DHDH: variants seen among roughly 807,000 people sequenced by gnomAD.
The protein encoded by DHDH is dihydrodiol dehydrogenase, also known as trans-1,2-dihydrobenzene-1,2-diol dehydrogenase.
A neutral mutation model predicts 33.2 loss-of-function variants in DHDH; 29 were observed. That is an observed-to-expected ratio of 0.87 (90% CI 0.65 to 1.19). DHDH has a LOEUF of 1.19. Ranked by LOEUF, DHDH falls within the 50% of genes most tolerant of loss-of-function variation. DHDH has a pLI of 0.00. For missense variants in DHDH, 431 were observed against 455.0 expected (o/e 0.95, Z 0.48); for synonymous variants, 201 against 187.9 (o/e 1.07, Z -0.57).
chr19:48,938,703 G>A (rs961252819), intron 3 of DHDH, among the ~76,000 whole-genome samples: 1 of 149,542 alleles, frequency 6.7e-6, no homozygotes, highest in African/African-American at 2.5e-5. Context: ...GGAGTGCAAC[G>A]GTGCGATCTT....
intron 4 of DHDH, among the ~76,000 whole-genome samples, chr19:48,941,504 C>G (rs563932835): frequency 6.6e-6 from 1 of 152,060 alleles, no homozygotes; most frequent in East Asian, 1.9e-4. Flanking sequence ...CCGTAAGACC[C>G]CCAAGTAGCT....
upstream of DHDH, chr19:48,933,606 C>G: frequency 1.1e-6 from 1 of 911,240 alleles, no homozygotes; most frequent in Admixed American, 2.0e-5. Flanking sequence ...CAACGAGAAT[C>G]GGCGTAGGCG....
Position 48,944,737 on chromosome 19 carries a change from T to C in DHDH, c.896-87T>C, listed in dbSNP as rs745965246. 207 of 1,318,734 alleles carry C rather than the reference T, an allele frequency of 1.6e-4. 1 individual carries two copies. The highest frequency in any genetic ancestry group is 3.9e-4 in the Admixed American group (22 of 56,744). 81.7% of individuals were successfully genotyped at this position (1,318,734 alleles called of 1,614,324 possible). ...CATCCATCTGCCTGAACCATGTATA[T>C]TGTGCCACATGGAATTCTGGGAATT... On this transcript the variant is annotated intron_variant, in intron 6 of 6. Coordinates refer to ENST00000221403, the MANE Select transcript of DHDH (RefSeq NM_014475.4).
chr19:48,937,169 CAG>C (rs2122253719), intron 3 of DHDH, among the ~76,000 whole-genome samples: 1 of 144,914 alleles, frequency 6.9e-6, no homozygotes, highest in Non-Finnish European at 1.5e-5. Flanking sequence ...CGGGGATCAT[CAG>C]GTCGTGGATA....
chr19:48,933,897 A>C (rs1022816884), intron 1 of DHDH, 86 bp downstream of exon 1: 1 of 1,259,192 alleles, frequency 7.9e-7, no homozygotes, highest in African/African-American at 1.5e-5. Flanking sequence ...AGGGTTCAGG[A>C]CTAGTGAGTG....
Position 48,936,088 on chromosome 19 carries a change from T to C in DHDH, c.259T>C (p.Leu87=). 8.1e-6 allele frequency: 13 copies of C among 1,611,262 alleles called. No individual in the cohort carries two copies. The highest frequency in any genetic ancestry group is 1.1e-5 in the Non-Finnish European group (13 of 1,179,328). The part of the protein sequence containing the change: ...PQHKAAVMLC[L]AAGKAVLCEK... ...GCACAAGGCGGCGGTGATGCTGTGC[T>C]TGGCGGCGGGCAAGGCCGTTCTGTG... is the stretch of plus-strand genomic sequence containing the variant. Residue 87 remains leucine (L), a synonymous_variant, in exon 3 of 7, where the codon TTG becomes CTG. Coordinates refer to ENST00000221403, the MANE Select transcript of DHDH (RefSeq NM_014475.4).
At chr19:48,937,218 C>G (rs1046673735) in intron 3 of DHDH, among the ~76,000 whole-genome samples, 4 of 152,188 alleles carry the variant, frequency 2.6e-5, no homozygotes, top group Non-Finnish European at 4.4e-5. Context: ...CCACAACACC[C>G]AGGCTCAGAG....
At position 48,942,475 on chromosome 19, in the gene DHDH, C is replaced by T. The variant is rs2037878228; in HGVS notation, c.655C>T (p.Pro219Ser). 6.2e-7 allele frequency: 1 copy of T among 1,613,596 alleles called. No individual in the cohort carries two copies. ...CACTGTCACGGTGCTCCTGCAGTAC[C>T]CAGGGGAGGTCCATGGCAGCTTCAC... The part of the protein sequence containing the change: ...DDTVTVLLQY[P>S]GEVHGSFTCS... Residue 219 changes from proline (P) to serine (S), a missense_variant, in exon 5 of 7, where the codon CCA (proline) becomes TCA (serine). Pro to Ser is a moderately conservative substitution (Grantham distance 74). Coordinates refer to ENST00000221403, the MANE Select transcript of DHDH (RefSeq NM_014475.4).
At chr19:48,934,321 C>T (rs555098418) in intron 1 of DHDH, among the ~76,000 whole-genome samples, 1 of 152,188 alleles carries the variant, frequency 6.6e-6, no homozygotes, top group African/African-American at 2.4e-5. Flanking sequence ...GGTTTCCCCC[C>T]ACTGAGAAAG....
At chr19:48,933,927 C>T (rs969014550) in intron 1 of DHDH, 116 bp downstream of exon 1, 6 of 889,132 alleles carry the variant, frequency 6.7e-6, no homozygotes, top group African/African-American at 6.7e-5. Flanking sequence ...TGCAGTGAAA[C>T]GTCTGTTTCC....
At chr19:48,944,263 G>A in intron 5 of DHDH, 94 bp from the exon 6 acceptor site, 1 of 1,558,266 alleles carries the variant, frequency 6.4e-7, no homozygotes, top group Non-Finnish European at 8.8e-7. Flanking sequence ...AGGTTCAAGA[G>A]GGAGGCCCCT....
upstream of DHDH, among the ~76,000 whole-genome samples, chr19:48,932,831 T>C (rs936670204): frequency 6.6e-6 from 1 of 152,076 alleles, no homozygotes; most frequent in Non-Finnish European, 1.5e-5. Flanking sequence ...AATAATACAG[T>C]ATATTTTACA....
At chr19:48,932,861 A>T (rs907446903), upstream of DHDH, among the ~76,000 whole-genome samples, 2 of 152,142 alleles carry the variant, frequency 1.3e-5, no homozygotes, top group Non-Finnish European at 2.9e-5. Context: ...ATAGAGCTCA[A>T]TGAATCCTCC....
At chr19:48,935,915 A>C in intron 2 of DHDH, 117 bp from the exon 3 acceptor site, 1 of 1,275,728 alleles carries the variant, frequency 7.8e-7, no homozygotes. Flanking sequence ...TAAGGGAGAC[A>C]GGGGTGTGAC....
At chr19:48,944,282 C>A in intron 5 of DHDH, 75 bp from the exon 6 acceptor site, 1 of 1,601,288 alleles carries the variant, frequency 6.2e-7, no homozygotes, top group Non-Finnish European at 8.5e-7. Context: ...CTGTGCACCA[C>A]CTGGCATGTT....
intron 5 of DHDH, among the ~76,000 whole-genome samples, chr19:48,943,093 CCT>C (rs1392316984): frequency 6.6e-6 from 1 of 151,338 alleles, no homozygotes; most frequent in Non-Finnish European, 1.5e-5. Flanking sequence ...TATCCTTGGG[CCT>C]GGCCGGCACG....
At chr19:48,942,688 T>G in intron 5 of DHDH, 124 bp downstream of exon 5, 1 of 1,425,904 alleles carries the variant, frequency 7.0e-7, no homozygotes, top group Non-Finnish European at 9.3e-7. Context: ...GAGTTCCTCC[T>G]TAACCAAGCC....
intron 2 of DHDH, 59 bp from the exon 3 acceptor site, chr19:48,935,973 C>A: frequency 6.5e-7 from 1 of 1,548,122 alleles, no homozygotes; most frequent in African/African-American, 1.4e-5. Context: ...AAGTTGTGGG[C>A]GGAGCTCGGC....
In DHDH at chr19:48,935,070, C is replaced by T; in HGVS notation, c.161C>T (p.Ala54Val). ...GCACAGAAACACGACATCCCCAAGG[C>T]CTACGGCTCCTATGAGGAGCTGGCC... The part of the protein sequence containing the change: ...EFAQKHDIPK[A>V]YGSYEELAKD... The change falls in exon 2 of 7, where the codon GCC (alanine) becomes GTC (valine). Residue 54 changes from alanine (A) to valine (V), a missense_variant. Physicochemically the swap from Ala to Val is moderately conservative, Grantham distance 64 (BLOSUM62 0). Transcript: ENST00000221403. 2 of 1,590,438 alleles carry T rather than the reference C, an allele frequency of 1.3e-6. No individual in the cohort carries two copies. Among genetic ancestry groups the T allele is most frequent in the Non-Finnish European group, 1.7e-6 (2 of 1,170,582 alleles).
Sources: gnomAD v4.1 joint callset for allele counts (sites outside exome capture counted in the v4.1 genomes callset) on GRCh38, gnomAD v4.1.1 for gene constraint, MANE v1.5 for transcripts, NCBI Gene and HGNC (gene_info 2026-07-23, HGNC 2026-07-21) for gene names.